SLC46A1: variants seen among roughly 807,000 people sequenced by gnomAD.
SLC46A1 encodes the protein proton-coupled folate transporter.
In SLC46A1, 17 loss-of-function variants were observed where a neutral mutation model predicts 32.1. That is an observed-to-expected ratio of 0.53 (90% CI 0.36 to 0.79). The LOEUF (loss-of-function observed/expected upper bound fraction) is 0.79. SLC46A1 is among the 30% of genes least tolerant of loss of function. The pLI is 0.00. For missense variants in SLC46A1, 517 were observed against 588.2 expected, an observed-to-expected ratio of 0.88 and a Z score of 1.25; for synonymous variants, 240 against 262.7, an observed-to-expected ratio of 0.91 and a Z score of 0.84.
Position 28,404,734 on chromosome 17 carries a change from G to A in SLC46A1, c.963C>T (p.Ala321=). Residue 321 remains alanine (A), a synonymous_variant, in exon 2 of 5, where the codon GCC becomes GCT. Transcript: ENST00000612814. ...QHLPYLTSLL[A]LKLLQYCLAD... Reference sequence around the variant, plus strand: ...CCAGGCAGTACTGCAGGAGCTTCAGGGCCAGCAGGCTGGTGAGGTAGGGGA... The same window carrying A: ...CCAGGCAGTACTGCAGGAGCTTCAGAGCCAGCAGGCTGGTGAGGTAGGGGA... 6.2e-7 allele frequency: 1 copy of A among 1,614,032 alleles called. No individual in the cohort carries two copies. Among genetic ancestry groups the A allele is most frequent in the Non-Finnish European group, 8.5e-7 (1 of 1,179,892 alleles).
chr17:28,405,143 T>A lies in SLC46A1; in HGVS notation c.554A>T (p.Glu185Val). 6.2e-7 allele frequency: 1 copy of A among 1,612,214 alleles called. No homozygotes were observed. The highest frequency in any genetic ancestry group is 8.5e-7 in the Non-Finnish European group (1 of 1,178,834). Residue 185 changes from glutamate (E) to valine (V), a missense_variant, in exon 2 of 5, where the codon GAA becomes GTA. Physicochemically the swap from Glu to Val is moderately radical, Grantham distance 121. Coordinates refer to ENST00000612814, the MANE Select transcript of SLC46A1 (RefSeq NM_080669.6). The stretch of plus-strand genomic sequence containing the variant: ...CATCCCAGCCACCCCGATGCTGGCT[T>A]CCAGCAGGGCCATCCGGAAGGTGCG... Reference protein sequence around the residue: ...RSRTFRMALLEASIGVAGMLA... With the variant: ...RSRTFRMALLVASIGVAGMLA...
chr17:28,405,071 G>A lies in SLC46A1; in HGVS notation c.626C>T (p.Ala209Val). 6.2e-7 allele frequency: 1 copy of A among 1,613,968 alleles called. No individual in the cohort carries two copies. The highest frequency in any genetic ancestry group is 8.5e-7 in the Non-Finnish European group (1 of 1,179,884). Residue 209 changes from alanine to valine, a missense_variant, in exon 2 of 5, where the codon GCC (alanine) becomes GTC (valine). By Grantham distance (64) the Ala-to-Val change is moderately conservative. Transcript: ENST00000612814. ...GGCCAAGGCCAGCCAGAAGGGGTTGGCATAACCCTGGGCCCGGAGCCAGTG... is the reference window on the plus strand; with the variant it reads ...GGCCAAGGCCAGCCAGAAGGGGTTGACATAACCCTGGGCCCGGAGCCAGTG... ...GGHWLRAQGY[A>V]NPFWLALALL...
At chr17:28,400,066 T>C in intron 4 of SLC46A1, 1 of 280,996 alleles carries the variant, frequency 3.6e-6, no homozygotes, top group South Asian at 4.4e-5. Context: ...GGTGATTTTT[T>C]AAATTTTTTA....
In SLC46A1 at chr17:28,396,188, GAGA is replaced by G; in HGVS notation, c.*3465_*3467del. 1.2e-6 allele frequency: 2 copies of G among 1,613,972 alleles called. No homozygotes were observed. The highest frequency in any genetic ancestry group is 8.5e-7 in the Non-Finnish European group (1 of 1,179,878). ...CCACGAATACCAGGAGGCCACCATTGAGAAGATCATCCGCTTCCTGCAGGGCCG... is the reference window on the plus strand; with the variant it reads ...CCACGAATACCAGGAGGCCACCATTGAGATCATCCGCTTCCTGCAGGGCCG... On this transcript the variant is annotated 3_prime_UTR_variant, in exon 5 of 5. Transcript: ENST00000612814.
chr17:28,399,897 C>CT (rs879947353), intron 4 of SLC46A1, 184 bp from the exon 5 acceptor site: 18,742 of 482,458 alleles, frequency 0.039, 1 homozygote, highest in South Asian at 0.051. Context: ...TGGAAAATAA[C>CT]TTTTTTTTTT....
Position 28,399,546 on chromosome 17 carries a change from C to G in SLC46A1, c.*110G>C, listed in dbSNP as rs1555589019. The stretch of plus-strand genomic sequence containing the variant: ...TACCTCGTCCAAAGAGAGCACTGCC[C>G]TTAGACAAGAGTTGCTTGTCCTGCT... On this transcript the variant is annotated 3_prime_UTR_variant, in exon 5 of 5. Transcript: ENST00000612814. The G allele has an allele frequency of 8.8e-7, 1 of 1,141,250 alleles. No individual in the cohort carries two copies. The allele number at this position is 1,141,250 out of a possible 1,614,324, so 70.7% of individuals were successfully genotyped here. A position where few individuals can be genotyped will look rare whatever the true frequency, so the allele number is the denominator to read the frequency against.
Position 28,395,961 on chromosome 17 carries a change from C to G in SLC46A1, c.*3695G>C, listed in dbSNP as rs782282998. The G allele has an allele frequency of 4.3e-6, 7 of 1,613,970 alleles. No homozygotes were observed. The highest frequency in any genetic ancestry group is 5.1e-6 in the Non-Finnish European group (6 of 1,179,884). ...ACATTGTGCCCATCATTGATGGCTTCGAGTGGCCTGAGCCCCAGGTCCTGC... is the reference window on the plus strand; with the variant it reads ...ACATTGTGCCCATCATTGATGGCTTGGAGTGGCCTGAGCCCCAGGTCCTGC... On this transcript the variant is annotated 3_prime_UTR_variant, in exon 5 of 5. Transcript: ENST00000612814.
rs782287467 is a variant in SLC46A1, at chr17:28,400,687, T to C, written c.1245A>G (p.Pro415=). 6 of 1,612,302 alleles carry C rather than the reference T, an allele frequency of 3.7e-6. No individual in the cohort carries two copies. In the African/African-American group the frequency reaches 5.3e-5, roughly 14 times the overall value. Residue 415 remains proline (P), a synonymous_variant, in exon 4 of 5, where the codon CCA becomes CCG. Transcript: ENST00000612814. The part of the protein sequence containing the change: ...TASGIFNSLY[P]ATLNFMKGFP... ...ACCCCTTCATAAAGTTCAGAGTGGCTGGGTAGAGTGAGTTGAAGATGCCGG... is the reference window on the plus strand; with the variant it reads ...ACCCCTTCATAAAGTTCAGAGTGGCCGGGTAGAGTGAGTTGAAGATGCCGG...
chr17:28,398,296 G>A lies in SLC46A1; in HGVS notation c.*1360C>T, dbSNP rs2068155536. 1 of 152,308 alleles carries A rather than the reference G, an allele frequency of 6.6e-6. No individual in the cohort carries two copies. Among genetic ancestry groups the A allele is most frequent in the Admixed American group, 6.5e-5 (1 of 15,282 alleles). The allele number at this position is 152,308 out of a possible 1,614,324, so 9.4% of individuals were successfully genotyped here. On this transcript the variant is annotated 3_prime_UTR_variant, in exon 5 of 5. Coordinates refer to ENST00000612814, the MANE Select transcript of SLC46A1 (RefSeq NM_080669.6). ...CCTCCACTGTTGTCCACTGCCCTGT[G>A]TGGCCTTCTGGTTGACCTCTGCCCG... is the stretch of plus-strand genomic sequence containing the variant.
Position 28,395,981 on chromosome 17 carries a change from T to A in SLC46A1, c.*3675A>T, listed in dbSNP as rs781912512. ...GGCTTCGAGTGGCCTGAGCCCCAGG[T>A]CCTGCCTGAGGACATGCAGGCTGTG... On this transcript the variant is annotated 3_prime_UTR_variant, in exon 5 of 5. Transcript: ENST00000612814. The A allele has an allele frequency of 9.9e-6, 16 of 1,613,788 alleles. No individual in the cohort carries two copies. Among genetic ancestry groups the A allele is most frequent in the South Asian group, 5.5e-5 (5 of 91,078 alleles).
intron 2 of SLC46A1, 187 bp downstream of exon 2, chr17:28,404,429 T>C: frequency 1.4e-6 from 1 of 702,582 alleles, no homozygotes; most frequent in Non-Finnish European, 2.4e-6. Flanking sequence ...AAGGTCTATA[T>C]TTTCCATGTA....
At chr17:28,400,186 C>T (rs1005551911) in intron 4 of SLC46A1, 7 of 241,958 alleles carry the variant, frequency 2.9e-5, no homozygotes, top group East Asian at 2.0e-4. Context: ...AGAGCCTCCA[C>T]GCCCGGCCAT....
In SLC46A1 at chr17:28,406,039, C is replaced by A; in HGVS notation, c.76G>T (p.Glu26Ter). ...AAGTTGGCCAGGAAGACCAGCGGCT[C>A]TACCGGGCCCCGGCACAGCACGGCA... ...AAAVLCRGPV[E>*]PLVFLANFAL... Residue 26 changes from glutamate (E) to a stop codon, truncating the protein, a stop_gained, in exon 1 of 5, where the codon GAG (glutamate) becomes TAG (stop). Transcript: ENST00000612814. LOFTEE classifies it high-confidence loss of function. The surrounding 1 kb of genome is among the most constrained non-coding windows in gnomAD (Gnocchi z 4.5). 6.2e-7 allele frequency: 1 copy of A among 1,606,992 alleles called. No individual in the cohort carries two copies. The highest frequency in any genetic ancestry group is 8.5e-7 in the Non-Finnish European group (1 of 1,177,954).
rs782341481 is a variant in SLC46A1 at position 28,396,166 on chromosome 17, C to T, written c.*3490G>A. ...GCTCCTGTGCCCACAGGTGGTCCCA[C>T]GAATACCAGGAGGCCACCATTGAGA... On this transcript the variant is annotated 3_prime_UTR_variant, in exon 5 of 5. Coordinates refer to ENST00000612814, the MANE Select transcript of SLC46A1 (RefSeq NM_080669.6). 31 of 1,613,828 alleles carry T rather than the reference C, an allele frequency of 1.9e-5. No homozygotes were observed. The highest frequency in any genetic ancestry group is 2.3e-5 in the Non-Finnish European group (27 of 1,179,876).
In SLC46A1 at chr17:28,396,133, C is replaced by G. The variant is rs1555587881; in HGVS notation, c.*3523G>C. On this transcript the variant is annotated 3_prime_UTR_variant, in exon 5 of 5. Transcript: ENST00000612814. ...AGCTCCCTCTGCCCAGCTGTCTGAA[C>G]CACATTGGCTCCTGTGCCCACAGGT... 1 of 1,613,936 alleles carries G rather than the reference C, an allele frequency of 6.2e-7. No individual in the cohort carries two copies. The highest frequency in any genetic ancestry group is 8.5e-7 in the Non-Finnish European group (1 of 1,179,866).
Position 28,396,276 on chromosome 17 carries a change from G to C in SLC46A1, c.*3380C>G. The C allele has an allele frequency of 6.2e-7, 1 of 1,613,920 alleles. No individual in the cohort carries two copies. The highest frequency in any genetic ancestry group is 2.2e-5 in the East Asian group (1 of 44,872). Reference sequence around the variant, plus strand: ...AGTTTGGAGGGTGCTGCACCCATGGGTCCAACCTAACCAGTCCCCAGTTCC... The same window carrying C: ...AGTTTGGAGGGTGCTGCACCCATGGCTCCAACCTAACCAGTCCCCAGTTCC... On this transcript the variant is annotated 3_prime_UTR_variant, in exon 5 of 5. Coordinates refer to ENST00000612814, the MANE Select transcript of SLC46A1 (RefSeq NM_080669.6).
rs1351523338 is a variant in SLC46A1, at chr17:28,395,502, C to T, written c.*4154G>A. ...TTGGCCATTGGTGATTGAACTCAAT[C>T]TCCAGCACCTCTCTGGAGGCTGGGA... On this transcript the variant is annotated 3_prime_UTR_variant, in exon 5 of 5. Transcript: ENST00000612814. 3.8e-5 allele frequency: 7 copies of T among 184,274 alleles called. No homozygotes were observed. Among genetic ancestry groups the T allele is most frequent in the Admixed American group, 3.2e-4 (6 of 18,536 alleles). The allele number at this position is 184,274 out of a possible 1,614,324, so 11.4% of individuals were successfully genotyped here.
chr17:28,395,916 T>C lies in SLC46A1; in HGVS notation c.*3740A>G. 6.2e-7 allele frequency: 1 copy of C among 1,613,930 alleles called. No individual in the cohort carries two copies. Among genetic ancestry groups the C allele is most frequent in the Non-Finnish European group, 8.5e-7 (1 of 1,179,882 alleles). On this transcript the variant is annotated 3_prime_UTR_variant, in exon 5 of 5. Coordinates refer to ENST00000612814, the MANE Select transcript of SLC46A1 (RefSeq NM_080669.6). ...CTTTCTTTCTCCAGGAGATTGTGAC[T>C]GCTTTAAGCTGCGGCAAGAACATTG...
Position 28,395,808 on chromosome 17 carries a change from C to T in SLC46A1, c.*3848G>A. ...ATCAGGACTGGTGTCCTGCCCTGGG[C>T]CCAGCCTCGGGCCAGTGGGCCTCCC... On this transcript the variant is annotated 3_prime_UTR_variant, in exon 5 of 5. Coordinates refer to ENST00000612814, the MANE Select transcript of SLC46A1 (RefSeq NM_080669.6). The T allele has an allele frequency of 6.9e-7, 1 of 1,439,358 alleles. No individual in the cohort carries two copies. The highest frequency in any genetic ancestry group is 9.6e-7 in the Non-Finnish European group (1 of 1,037,774). The allele number at this position is 1,439,358 out of a possible 1,614,324, so 89.2% of individuals were successfully genotyped here.
Sources: allele counts gnomAD v4.1 joint callset, GRCh38; gene constraint gnomAD v4.1.1; non-coding constraint Gnocchi (gnomAD v3.1); transcripts MANE v1.5; gene names NCBI Gene and HGNC (gene_info 2026-07-23, HGNC 2026-07-21).